TBC1D8: variants seen among roughly 807,000 people sequenced by gnomAD.
TBC1D8 encodes the protein TBC1 domain family member 8.
A neutral mutation model predicts 118.8 loss-of-function variants in TBC1D8; 65 were observed. The ratio of observed to expected loss-of-function variants is 0.55; its 90% CI spans 0.45 to 0.67. The LOEUF is 0.67. Ranked by LOEUF, TBC1D8 falls within the 30% of genes least tolerant of loss-of-function variation. The probability of loss-of-function intolerance (pLI) is 0.00; values close to 1 mark genes in which losing one functional copy is unlikely to be tolerated. For missense variants in TBC1D8, 1,376 were observed against 1,471.2 expected (o/e 0.94, Z 1.06); for synonymous variants, 566 against 595.8 (o/e 0.95, Z 0.73).
intron 1 of TBC1D8, among the ~76,000 whole-genome samples, chr2:101,125,881 C>T (rs1434054638): frequency 6.6e-6 from 1 of 152,222 alleles, no homozygotes; most frequent in Non-Finnish European, 1.5e-5. Flanking sequence ...ATCCACCAGA[C>T]ATTTTAATTA....
intron 1 of TBC1D8, among the ~76,000 whole-genome samples, chr2:101,124,615 G>A (rs1678273466): frequency 6.6e-6 from 1 of 152,156 alleles, no homozygotes; most frequent in Non-Finnish European, 1.5e-5. Context: ...TCCCCCAAGA[G>A]AAGAGAACTT....
intron 1 of TBC1D8, among the ~76,000 whole-genome samples, chr2:101,126,984 G>A (rs1277517815): frequency 6.6e-6 from 1 of 152,196 alleles, no homozygotes; most frequent in East Asian, 1.9e-4. Context: ...GGGCTTGGGG[G>A]TTGACTCCTC....
At chr2:101,060,706 G>A (rs187042311) in intron 2 of TBC1D8, among the ~76,000 whole-genome samples, 3 of 152,280 alleles carry the variant, frequency 2.0e-5, no homozygotes, top group Admixed American at 6.5e-5. Context: ...GTAAGCACAC[G>A]ACTAGAAGCA....
chr2:101,037,362 TC>T (rs2105395974), intron 8 of TBC1D8, among the ~76,000 whole-genome samples, 169 bp downstream of exon 8: 1 of 152,224 alleles, frequency 6.6e-6, no homozygotes, highest in African/African-American at 2.4e-5. Flanking sequence ...AGCCCCTCAG[TC>T]CTCTGACCAC....
At chr2:101,099,547 G>A (rs761916222) in intron 1 of TBC1D8, among the ~76,000 whole-genome samples, 1 of 152,168 alleles carries the variant, frequency 6.6e-6, no homozygotes, top group African/African-American at 2.4e-5. Flanking sequence ...ACCAGGAAGA[G>A]ACACAACAAA....
chr2:101,007,506 T>TATGA lies in TBC1D8; in HGVS notation c.*311_*314dup, dbSNP rs1376313865. The TATGA allele has an allele frequency of 3.2e-6, 1 of 317,386 alleles. No homozygotes were observed. Among genetic ancestry groups the TATGA allele is most frequent in the African/African-American group, 2.1e-5 (1 of 47,110 alleles). The allele number at this position is 317,386 out of a possible 1,614,324, so 19.7% of individuals were successfully genotyped here. A position where few individuals can be genotyped will look rare whatever the true frequency, so the allele number is the denominator to read the frequency against. On this transcript the variant is annotated 3_prime_UTR_variant, in exon 20 of 20. Transcript: ENST00000409318. ...GGGGCTTTTCTTGCTTCTTGGTTAGTATGAGACATTGTGTTCATCTGAGAG... is the reference window on the plus strand; with the variant it reads ...GGGGCTTTTCTTGCTTCTTGGTTAGTATGAATGAGACATTGTGTTCATCTGAGAG...
chr2:101,087,154 C>T (rs556893798), intron 2 of TBC1D8, among the ~76,000 whole-genome samples: 16 of 152,256 alleles, frequency 1.1e-4, no homozygotes, highest in African/African-American at 3.4e-4. Context: ...CTGGGCCGCA[C>T]GCAACCAGCA....
chr2:101,065,971 C>T (rs1030408714), intron 2 of TBC1D8, among the ~76,000 whole-genome samples: 6 of 152,096 alleles, frequency 3.9e-5, no homozygotes, highest in Non-Finnish European at 8.8e-5. Flanking sequence ...TAGACCAAGA[C>T]ATAAAACAGC....
At chr2:101,030,001 T>C (rs984938407) in intron 11 of TBC1D8, 3 of 469,752 alleles carry the variant, frequency 6.4e-6, no homozygotes, top group Non-Finnish European at 7.5e-6. Context: ...GAAAGTGGCA[T>C]GGGGGAAATA....
Position 101,050,367 on chromosome 2 carries a change from C to T in TBC1D8, c.872+34G>A, listed in dbSNP as rs28650982. 1.4e-3 allele frequency: 2,188 copies of T among 1,596,022 alleles called. 15 individuals carry two copies. In the African/African-American group the frequency reaches 0.02, roughly 15 times the overall value. ...GGGCACAGCTTATGGGTCCCCCGTGCGGGTGGGAGACACTCTAGAACAGTC... is the reference window on the plus strand; with the variant it reads ...GGGCACAGCTTATGGGTCCCCCGTGTGGGTGGGAGACACTCTAGAACAGTC... On this transcript the variant is annotated intron_variant, in intron 5 of 19. Coordinates refer to ENST00000409318, the MANE Select transcript of TBC1D8 (RefSeq NM_001330348.2).
At chr2:101,136,972 A>G (rs373558100) in intron 1 of TBC1D8, among the ~76,000 whole-genome samples, 6 of 151,602 alleles carry the variant, frequency 4.0e-5, no homozygotes, top group African/African-American at 1.5e-4. Context: ...TCAAGCAAAC[A>G]CTGTTTTTCA....
At chr2:101,134,058 A>G (rs967333077) in intron 1 of TBC1D8, among the ~76,000 whole-genome samples, 1 of 152,174 alleles carries the variant, frequency 6.6e-6, no homozygotes, top group Admixed American at 6.5e-5. Context: ...TTACAATTTG[A>G]GATGAGATTT....
At chr2:101,144,429 G>A (rs1679240396) in intron 1 of TBC1D8, among the ~76,000 whole-genome samples, 1 of 152,116 alleles carries the variant, frequency 6.6e-6, no homozygotes, top group African/African-American at 2.4e-5. Flanking sequence ...GAGGGGCCTG[G>A]GAGAGAAAAG....
At chr2:101,130,630 G>T (rs907139655) in intron 1 of TBC1D8, among the ~76,000 whole-genome samples, 1 of 152,216 alleles carries the variant, frequency 6.6e-6, no homozygotes, top group African/African-American at 2.4e-5. Flanking sequence ...CTGTTTTAAT[G>T]AAATAAGTTT....
At chr2:101,018,011 CAT>C in intron 17 of TBC1D8, 2 of 1,373,484 alleles carry the variant, frequency 1.5e-6, no homozygotes, top group Non-Finnish European at 2.0e-6. Flanking sequence ...CTACTTCAAG[CAT>C]GTGCTCATTC....
intron 2 of TBC1D8, among the ~76,000 whole-genome samples, chr2:101,074,093 A>T (rs992692048): frequency 6.6e-6 from 1 of 152,220 alleles, no homozygotes. Flanking sequence ...AAGCTTAATC[A>T]TTTTTAGCTT....
At chr2:101,072,507 A>G (rs899737309) in intron 2 of TBC1D8, among the ~76,000 whole-genome samples, 1 of 152,230 alleles carries the variant, frequency 6.6e-6, no homozygotes, top group Admixed American at 6.5e-5. Context: ...GCAGTCCCCA[A>G]ACTTTCTGGC....
chr2:101,093,897 A>G (rs1349267901), intron 1 of TBC1D8, among the ~76,000 whole-genome samples: 1 of 152,010 alleles, frequency 6.6e-6, no homozygotes, highest in Non-Finnish European at 1.5e-5. Context: ...TTAGTACACC[A>G]TGTCAGTCAC....
rs754985690 is a variant in TBC1D8 at position 101,050,455 on chromosome 2, T to G, written c.818A>C (p.Asn273Thr). 17 of 1,613,816 alleles carry G rather than the reference T, an allele frequency of 1.1e-5. No individual in the cohort carries two copies. The African/African-American group carries it at 1.7e-4, about 16-fold the overall frequency. The change falls in exon 5 of 20, where the codon AAT becomes ACT. Residue 273 changes from asparagine to threonine, a missense_variant. Asn to Thr is a moderately conservative substitution (Grantham distance 65, BLOSUM62 0). Coordinates refer to ENST00000409318, the MANE Select transcript of TBC1D8 (RefSeq NM_001330348.2). ...ADVTLRRLLD[N>T]EVFDLDPDLQ... Reference sequence around the variant, plus strand: ...ATCGGGGTCGAGGTCAAAGACCTCATTATCCAGCAGCCTTCGCAGCGTCAC... The same window carrying G: ...ATCGGGGTCGAGGTCAAAGACCTCAGTATCCAGCAGCCTTCGCAGCGTCAC...
Sources: gnomAD v4.1 joint callset for allele counts (sites outside exome capture counted in the v4.1 genomes callset) on GRCh38, gnomAD v4.1.1 for gene constraint, MANE v1.5 for transcripts, NCBI Gene and HGNC (gene_info 2026-07-23, HGNC 2026-07-21) for gene names.